The following ARHGAP10 variants were observed in gnomAD, a reference collection of about 807,000 sequenced individuals.
ARHGAP10 encodes rho GTPase-activating protein 10.
A neutral mutation model predicts 108.6 loss-of-function variants in ARHGAP10; 87 were observed. The ratio of observed to expected loss-of-function variants is 0.80; its 90% confidence interval spans 0.67 to 0.96. The LOEUF (loss-of-function observed/expected upper bound fraction) is 0.96, where lower values mean the gene tolerates loss of function less well. Ranked by LOEUF, ARHGAP10 falls within the 40% of genes least tolerant of loss-of-function variation. The pLI is 0.00. For missense variants in ARHGAP10, 939 were observed against 954.5 expected, an observed-to-expected ratio of 0.98 and a Z score of 0.21; for synonymous variants, 347 against 341.1, an observed-to-expected ratio of 1.02 and a Z score of -0.19.
At chr4:147,853,550 C>T (rs1733962145) in intron 4 of ARHGAP10, among the ~76,000 whole-genome samples, 1 of 152,160 alleles carries the variant, frequency 6.6e-6, no homozygotes, top group South Asian at 2.1e-4. Flanking sequence ...GGGCAATTCA[C>T]AATTATGTTT....
intron 7 of ARHGAP10, among the ~76,000 whole-genome samples, chr4:147,872,986 G>A (rs1185675021): frequency 6.6e-6 from 1 of 152,054 alleles, no homozygotes; most frequent in Non-Finnish European, 1.5e-5. Context: ...AGTTGTAGAT[G>A]GGGAGGAAAA....
At chr4:147,914,153 A>C (rs1736862916) in intron 13 of ARHGAP10, among the ~76,000 whole-genome samples, 6 of 152,214 alleles carry the variant, frequency 3.9e-5, no homozygotes, top group Admixed American at 3.9e-4. Context: ...TTGCATCTCA[A>C]AAAAAGAAAT....
At chr4:147,917,965 G>A (rs1286908061) in intron 13 of ARHGAP10, among the ~76,000 whole-genome samples, 1 of 152,058 alleles carries the variant, frequency 6.6e-6, no homozygotes, top group Non-Finnish European at 1.5e-5. Flanking sequence ...GGCAGCCTTA[G>A]GAGAGCCTGT....
intron 6 of ARHGAP10, chr4:147,866,475 G>T: frequency 2.5e-6 from 1 of 396,864 alleles, no homozygotes; most frequent in Middle Eastern, 6.8e-4. Flanking sequence ...TGCAGAACAT[G>T]CCATATAAGC....
intron 12 of ARHGAP10, among the ~76,000 whole-genome samples, chr4:147,912,008 TG>T: frequency 7.6e-6 from 1 of 131,732 alleles, no homozygotes; most frequent in Non-Finnish European, 1.8e-5. Flanking sequence ...TGTGTGTGTG[TG>T]TGTGTGTGTG....
intron 1 of ARHGAP10, among the ~76,000 whole-genome samples, chr4:147,758,975 A>C (rs931003105): frequency 6.6e-6 from 1 of 150,944 alleles, no homozygotes; most frequent in African/African-American, 2.4e-5. Flanking sequence ...TCTGTCTCAA[A>C]AAAAAAAAAA....
At chr4:147,850,958 AGAACGT>A (rs1733857113) in intron 4 of ARHGAP10, among the ~76,000 whole-genome samples, 1 of 152,204 alleles carries the variant, frequency 6.6e-6, no homozygotes, top group Non-Finnish European at 1.5e-5. Flanking sequence ...GAGAAATACC[AGAACGT>A]GATAAGAGTT....
At chr4:147,788,632 C>A (rs1730993445) in intron 1 of ARHGAP10, among the ~76,000 whole-genome samples, 1 of 152,134 alleles carries the variant, frequency 6.6e-6, no homozygotes, top group African/African-American at 2.4e-5. Flanking sequence ...CTCCTTTTTA[C>A]ACATTTGCGG....
intron 4 of ARHGAP10, chr4:147,854,580 A>G (rs769678545): frequency 2.4e-6 from 1 of 410,806 alleles, no homozygotes; most frequent in South Asian, 1.0e-4. Flanking sequence ...ACATTTATAT[A>G]TTTTTTTCTG....
chr4:147,781,746 C>T lies in ARHGAP10; in HGVS notation c.155-40981C>T, dbSNP rs547986534. Among the ~76,000 whole-genome samples, 16 of 147,724 alleles carry T rather than the reference C, an allele frequency of 1.1e-4. 1 individual carries two copies. The highest frequency in any genetic ancestry group is 2.0e-4 in the Admixed American group (3 of 14,700). On this transcript the variant is annotated intron_variant, in intron 1 of 22. Transcript: ENST00000336498. Reference sequence around the variant, plus strand: ...AGGCTGGAGTGCAGTGGCGCAATCTCGGCTTAGTTTTCTTTATTAATTGCA... The same window carrying T: ...AGGCTGGAGTGCAGTGGCGCAATCTTGGCTTAGTTTTCTTTATTAATTGCA...
intron 1 of ARHGAP10, among the ~76,000 whole-genome samples, chr4:147,755,063 C>T (rs1444381886): frequency 1.4e-5 from 2 of 142,072 alleles, no homozygotes; most frequent in East Asian, 4.1e-4. Flanking sequence ...GTCTGGGCGA[C>T]AAGAGTGAAA....
chr4:148,067,095 ACT>A (rs1342625551), intron 22 of ARHGAP10, among the ~76,000 whole-genome samples: 1 of 151,588 alleles, frequency 6.6e-6, no homozygotes, highest in Admixed American at 6.6e-5. Flanking sequence ...ATGTGTTGAC[ACT>A]CTCTCCCTAC....
intron 13 of ARHGAP10, among the ~76,000 whole-genome samples, chr4:147,928,161 G>A (rs934485412): frequency 1.3e-5 from 2 of 152,170 alleles, no homozygotes; most frequent in Admixed American, 6.5e-5. Flanking sequence ...ACTTGGATTC[G>A]GGAGGATGAG....
intron 10 of ARHGAP10, among the ~76,000 whole-genome samples, chr4:147,884,283 A>G (rs900041106): frequency 6.6e-6 from 1 of 152,160 alleles, no homozygotes; most frequent in Non-Finnish European, 1.5e-5. Flanking sequence ...CCCCTCAAAG[A>G]CATTGATGAG....
chr4:148,046,471 G>T (rs968103011), intron 19 of ARHGAP10, among the ~76,000 whole-genome samples: 40 of 152,120 alleles, frequency 2.6e-4, no homozygotes, highest in African/African-American at 8.4e-4. Flanking sequence ...AATTTATTAT[G>T]CACTAAATGG....
At chr4:147,843,819 C>T (rs1339664484) in intron 3 of ARHGAP10, among the ~76,000 whole-genome samples, 1 of 151,770 alleles carries the variant, frequency 6.6e-6, no homozygotes, top group Non-Finnish European at 1.5e-5. Flanking sequence ...CGGCCTGAAC[C>T]CCTTTCTTCT....
At chr4:147,826,646 C>T (rs1456150322) in intron 3 of ARHGAP10, among the ~76,000 whole-genome samples, 1 of 152,202 alleles carries the variant, frequency 6.6e-6, no homozygotes, top group African/African-American at 2.4e-5. Context: ...GACTCGACAT[C>T]CAGCCTCAGA....
intron 20 of ARHGAP10, among the ~76,000 whole-genome samples, chr4:148,049,879 G>GGTGGGGA (rs1200262747): frequency 6.7e-6 from 1 of 149,346 alleles, no homozygotes; most frequent in Non-Finnish European, 1.5e-5. Flanking sequence ...GCGGTGGGAG[G>GGTGGGGA]GTGGGGAAGA....
At chr4:147,738,007 T>C (rs923561000) in intron 1 of ARHGAP10, among the ~76,000 whole-genome samples, 4 of 151,700 alleles carry the variant, frequency 2.6e-5, no homozygotes, top group Admixed American at 2.0e-4. Flanking sequence ...TCCTTGTCGC[T>C]GTGTTGTTGT....
Sources: gnomAD v4.1 joint callset for allele counts (sites outside exome capture counted in the v4.1 genomes callset) on GRCh38, gnomAD v4.1.1 for gene constraint, MANE v1.5 for transcripts, NCBI Gene and HGNC (gene_info 2026-07-23, HGNC 2026-07-21) for gene names.